Variants in TTLL11 observed in about 807,000 individuals in gnomAD.
The protein encoded by TTLL11 is tubulin polyglutamylase TTLL11.
In TTLL11, 42 loss-of-function variants were observed where a neutral mutation model predicts 51.7. The observed-to-expected ratio is 0.81, with a 90% CI of 0.64 to 1.05. TTLL11 has a LOEUF of 1.05. Among genes scored for constraint, TTLL11 ranks in the 50% least tolerant of loss-of-function variants. The pLI, the probability that TTLL11 is intolerant of heterozygous loss-of-function variation, is 0.00. For synonymous variants in TTLL11, 381 were observed against 383.5 expected (o/e 0.99, Z 0.08); for missense variants, 799 against 940.4 (o/e 0.85, Z 1.97).
chr9:122,023,403 C>T (rs1391931946), intron 3 of TTLL11, among the ~76,000 whole-genome samples: 1 of 151,880 alleles, frequency 6.6e-6, no homozygotes, highest in Non-Finnish European at 1.5e-5. Context: ...AAAAACTCTT[C>T]TAGAAAATTT....
chr9:121,841,996 C>T (rs1189666699), intron 8 of TTLL11, among the ~76,000 whole-genome samples: 1 of 152,058 alleles, frequency 6.6e-6, no homozygotes. Flanking sequence ...TGCAGAGCTC[C>T]CCGAGAGCAT....
rs77110586 is a variant in TTLL11, at chr9:121,840,904, C to T, written c.1841-18025G>A. Among the ~76,000 whole-genome samples the T allele has an allele frequency of 4.5e-4, 68 of 152,364 alleles. No individual in the cohort carries two copies. The East Asian group carries it at 0.013, about 28-fold the overall frequency. On this transcript the variant is annotated intron_variant, in intron 8 of 8. Transcript: ENST00000321582. Reference sequence around the variant, plus strand: ...TAGGCCCTGGGCCCCAAACATGAATCAGGCACTGGCACGAGGCACTTGGCC... The same window carrying T: ...TAGGCCCTGGGCCCCAAACATGAATTAGGCACTGGCACGAGGCACTTGGCC...
intron 6 of TTLL11, among the ~76,000 whole-genome samples, chr9:121,895,560 T>C (rs948022703): frequency 6.6e-6 from 1 of 151,846 alleles, no homozygotes; most frequent in African/African-American, 2.4e-5. Flanking sequence ...CATATGTGTG[T>C]GTCTGTGTGG....
chr9:121,877,406 T>C lies in TTLL11; in HGVS notation c.1482-6658A>G, dbSNP rs188560585. Among the ~76,000 whole-genome samples, 33 of 152,244 alleles carry C rather than the reference T, an allele frequency of 2.2e-4. 1 individual carries two copies. The South Asian group carries it at 6.0e-3, about 28-fold the overall frequency. On this transcript the variant is annotated intron_variant, in intron 6 of 8. Coordinates refer to ENST00000321582, the MANE Select transcript of TTLL11 (RefSeq NM_001139442.2). ...GCTAGGCAACTTGAAGGGAAGGTGATAGACTCTAAAACAGGTGAGGCGTGG... is the reference window on the plus strand; with the variant it reads ...GCTAGGCAACTTGAAGGGAAGGTGACAGACTCTAAAACAGGTGAGGCGTGG...
intron 6 of TTLL11, among the ~76,000 whole-genome samples, chr9:121,945,358 T>A (rs1297436905): frequency 6.6e-6 from 1 of 152,178 alleles, no homozygotes; most frequent in Non-Finnish European, 1.5e-5. Context: ...ATGAAAGCAA[T>A]AATTAAAAGT....
At chr9:121,945,403 T>C (rs1841625456) in intron 6 of TTLL11, among the ~76,000 whole-genome samples, 1 of 152,194 alleles carries the variant, frequency 6.6e-6, no homozygotes, top group African/African-American at 2.4e-5. Flanking sequence ...GAATGGTAGA[T>C]TGGGAGATTG....
rs969255161 is a variant in TTLL11, at chr9:121,916,302, T to A, written c.1482-45554A>T. ...TGTTTTTGTAAAAATTACTACAACA[T>A]AATAAATTTGTCTCTCTTTACAGGT... On this transcript the variant is annotated intron_variant, in intron 6 of 8. Coordinates refer to ENST00000321582, the MANE Select transcript of TTLL11 (RefSeq NM_001139442.2). Among the ~76,000 whole-genome samples the A allele has an allele frequency of 2.6e-5, 4 of 152,298 alleles. No individual in the cohort carries two copies. The East Asian group carries it at 5.8e-4, about 22-fold the overall frequency.
intron 4 of TTLL11, chr9:121,988,890 G>A (rs1049215519): frequency 3.9e-6 from 2 of 519,422 alleles, no homozygotes; most frequent in East Asian, 3.2e-5. Flanking sequence ...ATGAGTAAAC[G>A]AATGAATGTA....
intron 1 of TTLL11, among the ~76,000 whole-genome samples, chr9:122,044,219 T>C (rs1003596191): frequency 1.2e-4 from 18 of 152,202 alleles, no homozygotes; most frequent in Non-Finnish European, 2.4e-4. Flanking sequence ...TAGTATTCCA[T>C]GGTGTATATG....
rs138558032 is a variant in TTLL11 at position 122,031,767 on chromosome 9, G to A, written c.649C>T (p.Arg217Cys). Residue 217 changes from arginine (R) to cysteine (C), a missense_variant, in exon 3 of 9, where the codon CGC (arginine) becomes TGC (cysteine). Physicochemically the swap from Arg to Cys is radical, Grantham distance 180. Coordinates refer to ENST00000321582, the MANE Select transcript of TTLL11 (RefSeq NM_001139442.2). Reference sequence around the variant, plus strand: ...AACTCGTCAGGCAGAATCCATGAGCGAGGGTAGAAGTTGTACTCCTCAGGA... The same window carrying A: ...AACTCGTCAGGCAGAATCCATGAGCAAGGGTAGAAGTTGTACTCCTCAGGA... ...LFPEEYNFYP[R>C]SWILPDEFQL... 70 of 1,613,398 alleles carry A rather than the reference G, an allele frequency of 4.3e-5. No individual in the cohort carries two copies. The African/African-American group carries it at 5.5e-4, about 13-fold the overall frequency.
At chr9:121,886,268 A>G (rs1477643203) in intron 6 of TTLL11, among the ~76,000 whole-genome samples, 1 of 152,214 alleles carries the variant, frequency 6.6e-6, no homozygotes. Context: ...CCCCCAGAAG[A>G]TATATCCAAG....
intron 6 of TTLL11, among the ~76,000 whole-genome samples, chr9:121,887,480 G>A (rs1009337559): frequency 1.3e-5 from 2 of 152,168 alleles, no homozygotes; most frequent in African/African-American, 4.8e-5. Context: ...AATCGACTTG[G>A]GTTGGCTACC....
At chr9:122,058,329 T>C (rs2416849) in intron 1 of TTLL11, among the ~76,000 whole-genome samples, 65,344 of 152,144 alleles carry the variant, frequency 0.43, 15,975 homozygotes, top group African/African-American at 0.67. Flanking sequence ...GGCTTTGCAA[T>C]AGACAGGGAA....
chr9:121,949,123 G>T (rs954560137), intron 6 of TTLL11, among the ~76,000 whole-genome samples: 2 of 152,116 alleles, frequency 1.3e-5, no homozygotes, highest in Non-Finnish European at 2.9e-5. Flanking sequence ...ACAAGATTGT[G>T]TCTATGATTA....
chr9:121,854,336 C>T (rs1837752881), intron 8 of TTLL11, among the ~76,000 whole-genome samples: 1 of 152,158 alleles, frequency 6.6e-6, no homozygotes, highest in Non-Finnish European at 1.5e-5. Context: ...ATAAACAATG[C>T]CATTCTTAGA....
chr9:121,937,481 GC>G (rs1841281408), intron 6 of TTLL11, among the ~76,000 whole-genome samples: 1 of 152,148 alleles, frequency 6.6e-6, no homozygotes, highest in Non-Finnish European at 1.5e-5. Flanking sequence ...TCCCCCAATT[GC>G]TTTGCTGTGC....
intron 3 of TTLL11, among the ~76,000 whole-genome samples, chr9:122,005,351 C>T (rs1396144525): frequency 6.6e-6 from 1 of 152,152 alleles, no homozygotes; most frequent in Non-Finnish European, 1.5e-5. Flanking sequence ...TCAGCCAAGT[C>T]TCTTTCCCTC....
At chr9:122,083,802 T>C (rs533650429) in intron 1 of TTLL11, among the ~76,000 whole-genome samples, 8 of 152,054 alleles carry the variant, frequency 5.3e-5, no homozygotes, top group African/African-American at 1.7e-4. Context: ...AGAGCAAGAC[T>C]CTATCTCGAA....
Position 121,949,971 on chromosome 9 carries a change from G to A in TTLL11, c.1481+24038C>T, listed in dbSNP as rs73555661. Among the ~76,000 whole-genome samples the A allele has an allele frequency of 8.1e-3, 1,228 of 152,014 alleles. 10 individuals are homozygous for A. The highest frequency in any genetic ancestry group is 0.024 in the Middle Eastern group (7 of 292). On this transcript the variant is annotated intron_variant, in intron 6 of 8. Coordinates refer to ENST00000321582, the MANE Select transcript of TTLL11 (RefSeq NM_001139442.2). ...AATCCCTCCCCAGCTTGCTCTGTCC[G>A]CATCCATCCAGCCTCTACTCACACT...
Sources: gnomAD v4.1 joint callset for allele counts (sites outside exome capture counted in the v4.1 genomes callset) on GRCh38, gnomAD v4.1.1 for gene constraint, MANE v1.5 for transcripts, NCBI Gene and HGNC (gene_info 2026-07-23, HGNC 2026-07-21) for gene names.